DPP10: variants seen among roughly 807,000 people sequenced by gnomAD.
DPP10 encodes dipeptidyl peptidase like 10.
In DPP10, 33 loss-of-function variants were observed where a neutral mutation model predicts 120.9. The observed-to-expected ratio is 0.27, with a 90% CI of 0.21 to 0.37. The LOEUF is 0.37. Ranked by LOEUF, DPP10 falls within the 10% of genes least tolerant of loss-of-function variation. DPP10 has a pLI of 1.00. For missense variants in DPP10, 816 were observed against 942.8 expected, an observed-to-expected ratio of 0.87 and a Z score of 1.76; for synonymous variants, 337 against 326.1, an observed-to-expected ratio of 1.03 and a Z score of -0.36.
chr2:115,679,576 T>C (rs1257979369), intron 5 of DPP10, among the ~76,000 whole-genome samples: 1 of 152,172 alleles, frequency 6.6e-6, no homozygotes, highest in Non-Finnish European at 1.5e-5. Flanking sequence ...TGAGAATGAA[T>C]AGTATGGAAT....
At chr2:115,384,402 GAGAAGGAGAAGA>G (rs2066694580) in intron 3 of DPP10, among the ~76,000 whole-genome samples, 1 of 111,506 alleles carries the variant, frequency 9.0e-6, no homozygotes, top group Admixed American at 9.6e-5. Flanking sequence ...GCAGAAGAAG[GAGAAGGAGAAGA>G]AGAAGAAGAA....
At chr2:115,420,970 G>T (rs188748593) in intron 3 of DPP10, among the ~76,000 whole-genome samples, 1 of 152,116 alleles carries the variant, frequency 6.6e-6, no homozygotes, top group Non-Finnish European at 1.5e-5. Context: ...TAATTTTATT[G>T]TTATAAGATA....
intron 5 of DPP10, among the ~76,000 whole-genome samples, chr2:115,564,798 G>C (rs1407464010): frequency 1.3e-5 from 2 of 152,026 alleles, no homozygotes. Context: ...AATTTAACTG[G>C]CAATTTAAAT....
intron 3 of DPP10, among the ~76,000 whole-genome samples, chr2:115,388,350 G>A (rs2067097135): frequency 6.6e-6 from 1 of 152,178 alleles, no homozygotes; most frequent in Non-Finnish European, 1.5e-5. Flanking sequence ...CTTAAATATA[G>A]GAGAATTAGA....
At chr2:114,518,068 CATT>C (rs1435419685) in intron 1 of DPP10, among the ~76,000 whole-genome samples, 7 of 95,002 alleles carry the variant, frequency 7.4e-5, no homozygotes, top group African/African-American at 2.7e-4. Context: ...ATGAGCTATT[CATT>C]TTTTTTTTTT....
At chr2:115,145,892 A>G (rs777389007) in intron 1 of DPP10, among the ~76,000 whole-genome samples, 7 of 152,074 alleles carry the variant, frequency 4.6e-5, no homozygotes, top group Non-Finnish European at 1.0e-4. Context: ...TCAATTCCCT[A>G]ATGACATATA....
At chr2:115,051,126 C>T (rs2105344388) in intron 1 of DPP10, among the ~76,000 whole-genome samples, 1 of 152,204 alleles carries the variant, frequency 6.6e-6, no homozygotes, top group Middle Eastern at 3.4e-3. Flanking sequence ...AGGTATATTC[C>T]ATGCACAGGA....
At chr2:114,648,935 A>T (rs1696355696) in intron 1 of DPP10, among the ~76,000 whole-genome samples, 1 of 152,184 alleles carries the variant, frequency 6.6e-6, no homozygotes, top group Non-Finnish European at 1.5e-5. Context: ...CCTTTCTGTA[A>T]TTCCTCTGTA....
intron 8 of DPP10, among the ~76,000 whole-genome samples, chr2:115,737,799 A>G (rs1195869522): frequency 6.6e-6 from 1 of 152,102 alleles, no homozygotes; most frequent in Non-Finnish European, 1.5e-5. Flanking sequence ...ATTGTAACAA[A>G]TTTTCTCTGA....
chr2:115,704,027 A>G (rs1165004790), intron 7 of DPP10, among the ~76,000 whole-genome samples: 1 of 151,920 alleles, frequency 6.6e-6, no homozygotes, highest in Admixed American at 6.6e-5. Flanking sequence ...AATGTACTTA[A>G]CAGACTCCCA....
intron 1 of DPP10, among the ~76,000 whole-genome samples, chr2:114,674,234 G>C (rs76764616): frequency 0.091 from 13,819 of 151,788 alleles, 766 homozygotes; most frequent in South Asian, 0.15. Context: ...ATTATCCTAA[G>C]TAAATAATAT....
intron 1 of DPP10, among the ~76,000 whole-genome samples, chr2:114,980,634 G>GA (rs145634895): frequency 0.034 from 4,113 of 122,690 alleles, 176 homozygotes; most frequent in African/African-American, 0.1. Flanking sequence ...AGAATCTACT[G>GA]AAAAAAAAAA....
At chr2:114,828,468 AATCTACT>A (rs1446555288) in intron 1 of DPP10, 2 of 152,220 alleles carry the variant, frequency 1.3e-5, no homozygotes, top group African/African-American at 4.8e-5. Flanking sequence ...GTTTATTTAG[AATCTACT>A]AATATGCTTG....
At chr2:115,436,163 A>G (rs1381142129) in intron 3 of DPP10, among the ~76,000 whole-genome samples, 1 of 151,846 alleles carries the variant, frequency 6.6e-6, no homozygotes, top group African/African-American at 2.4e-5. Flanking sequence ...AAAATAATGT[A>G]TTGGGTATGG....
intron 3 of DPP10, among the ~76,000 whole-genome samples, chr2:115,416,450 G>A (rs568077272): frequency 6.6e-6 from 1 of 152,068 alleles, no homozygotes; most frequent in African/African-American, 2.4e-5. Context: ...AGGTGGATAA[G>A]CAATATTGAC....
intron 1 of DPP10, among the ~76,000 whole-genome samples, chr2:114,594,885 C>T (rs1056071255): frequency 2.0e-5 from 3 of 152,020 alleles, no homozygotes; most frequent in East Asian, 1.9e-4. Context: ...TGGTGCTTCT[C>T]GGTCTTTCTC....
At chr2:115,526,213 T>G in intron 5 of DPP10, 2 of 389,882 alleles carry the variant, frequency 5.1e-6, no homozygotes, top group East Asian at 4.4e-5. Flanking sequence ...AGTCCATCTC[T>G]TGGCAGAGGA....
intron 5 of DPP10, among the ~76,000 whole-genome samples, chr2:115,594,834 T>C (rs2082891682): frequency 1.3e-5 from 2 of 152,256 alleles, no homozygotes; most frequent in African/African-American, 4.8e-5. Flanking sequence ...TACAAAAATT[T>C]ATCATAATAG....
intron 1 of DPP10, among the ~76,000 whole-genome samples, chr2:115,234,855 G>T (rs191128086): frequency 1.3e-5 from 2 of 151,986 alleles, no homozygotes; most frequent in African/African-American, 4.8e-5. Flanking sequence ...TTCTATCACG[G>T]TCTTGTTTAT....
Sources: gnomAD v4.1 joint callset for allele counts (sites outside exome capture counted in the v4.1 genomes callset) on GRCh38, gnomAD v4.1.1 for gene constraint, MANE v1.5 for transcripts, NCBI Gene and HGNC (gene_info 2026-07-23, HGNC 2026-07-21) for gene names.